PTPRT: variants seen among roughly 807,000 people sequenced by gnomAD.
PTPRT encodes the protein protein tyrosine phosphatase receptor type T, also known as receptor-type tyrosine-protein phosphatase T.
PTPRT carries 56 observed loss-of-function variants against 176.8 expected under a neutral mutation model. The observed-to-expected ratio is 0.32, with a 90% CI of 0.26 to 0.40. The LOEUF (loss-of-function observed/expected upper bound fraction) is 0.40. Among genes scored for constraint, PTPRT ranks in the 10% least tolerant of loss-of-function variants. The pLI, the probability that PTPRT is intolerant of heterozygous loss-of-function variation, is 1.00. For missense variants in PTPRT, 1,540 were observed against 1,908.2 expected, an observed-to-expected ratio of 0.81 and a Z score of 3.60; for synonymous variants, 783 against 739.0, an observed-to-expected ratio of 1.06 and a Z score of -0.96.
chr20:42,458,546 T>C (rs1335285143), intron 8 of PTPRT, among the ~76,000 whole-genome samples: 1 of 152,194 alleles, frequency 6.6e-6, no homozygotes, highest in Non-Finnish European at 1.5e-5. Flanking sequence ...ACTATGTTTG[T>C]CTGATCCTCC....
At chr20:42,327,119 G>C (rs577085661) in intron 11 of PTPRT, among the ~76,000 whole-genome samples, 6 of 150,692 alleles carry the variant, frequency 4.0e-5, no homozygotes, top group Non-Finnish European at 5.9e-5. Context: ...GTGTATGACA[G>C]AGAGAGAGAA....
At chr20:43,159,530 T>C (rs1276358860) in intron 1 of PTPRT, among the ~76,000 whole-genome samples, 2 of 152,226 alleles carry the variant, frequency 1.3e-5, no homozygotes, top group African/African-American at 4.8e-5. Context: ...CCTGGCGTGA[T>C]GCCTGCCACA....
At chr20:42,549,776 C>T (rs1285790480) in intron 7 of PTPRT, among the ~76,000 whole-genome samples, 1 of 152,096 alleles carries the variant, frequency 6.6e-6, no homozygotes, top group Non-Finnish European at 1.5e-5. Flanking sequence ...TAGCCAGCTG[C>T]GACAACACTG....
In PTPRT at chr20:43,071,510, C is replaced by G. The variant is rs538512330; in HGVS notation, c.88+118136G>C. ...TCAAGACAGGAAAGTTCAGGCCAGG[C>G]GCGGTGGCTCATGCCTGTAATCCCA... is the stretch of plus-strand genomic sequence containing the variant. On this transcript the variant is annotated intron_variant, in intron 1 of 30. Coordinates refer to ENST00000373187, the MANE Select transcript of PTPRT (RefSeq NM_007050.6). Among the ~76,000 whole-genome samples, 296 of 152,216 alleles carry G rather than the reference C, an allele frequency of 1.9e-3. 1 individual carries two copies. Among genetic ancestry groups the G allele is most frequent in the African/African-American group, 7.0e-3 (289 of 41,534 alleles).
chr20:42,423,151 C>T (rs564326656), intron 9 of PTPRT, among the ~76,000 whole-genome samples: 47 of 135,956 alleles, frequency 3.5e-4, no homozygotes, highest in African/African-American at 1.3e-3. Flanking sequence ...CCATGAAAAC[C>T]TTCACTTGTA....
chr20:42,236,083 T>C, intron 15 of PTPRT, 146 bp downstream of exon 15: 2 of 618,210 alleles, frequency 3.2e-6, no homozygotes, highest in Non-Finnish European at 5.5e-6. Context: ...GTAACACATT[T>C]ATGCAAAATA....
At chr20:42,387,643 T>A (rs756662888) in intron 9 of PTPRT, among the ~76,000 whole-genome samples, 10 of 152,178 alleles carry the variant, frequency 6.6e-5, no homozygotes, top group Non-Finnish European at 1.5e-4. Context: ...AAACTTCCTA[T>A]AGGGCAAATT....
chr20:42,631,059 G>A (rs755549523), intron 7 of PTPRT, among the ~76,000 whole-genome samples: 1 of 152,078 alleles, frequency 6.6e-6, no homozygotes, highest in African/African-American at 2.4e-5. Flanking sequence ...TTGTGCCAGT[G>A]AACAAACTCT....
At chr20:43,156,810 G>C (rs2014535250) in intron 1 of PTPRT, among the ~76,000 whole-genome samples, 1 of 152,202 alleles carries the variant, frequency 6.6e-6, no homozygotes, top group Non-Finnish European at 1.5e-5. Context: ...AGATCATTGA[G>C]AGACACCAGC....
intron 15 of PTPRT, among the ~76,000 whole-genome samples, chr20:42,220,196 A>G (rs2055854900): frequency 2.0e-5 from 3 of 152,218 alleles, no homozygotes; most frequent in Admixed American, 2.0e-4. Flanking sequence ...CATGGGACCT[A>G]CATGACAAAA....
At chr20:42,399,705 T>A (rs1012989284) in intron 9 of PTPRT, among the ~76,000 whole-genome samples, 1 of 152,160 alleles carries the variant, frequency 6.6e-6, no homozygotes, top group Non-Finnish European at 1.5e-5. Flanking sequence ...AGAGGCTCCT[T>A]TTTTCCTAGC....
chr20:42,254,095 C>T (rs901045281), intron 13 of PTPRT, among the ~76,000 whole-genome samples: 4 of 152,154 alleles, frequency 2.6e-5, no homozygotes, highest in African/African-American at 9.7e-5. Flanking sequence ...TTTTCTCTCT[C>T]TGCTGCCTCC....
chr20:42,484,351 T>A (rs1208496557), intron 7 of PTPRT, among the ~76,000 whole-genome samples: 1 of 152,174 alleles, frequency 6.6e-6, no homozygotes, highest in Non-Finnish European at 1.5e-5. Context: ...AATAAAGCTA[T>A]TTTTTTCTTT....
At chr20:42,942,160 C>T (rs559048333) in intron 1 of PTPRT, among the ~76,000 whole-genome samples, 5 of 152,194 alleles carry the variant, frequency 3.3e-5, no homozygotes, top group African/African-American at 9.6e-5. Flanking sequence ...GATAGAAACC[C>T]GATTCCCAAA....
rs1345339220 is a variant in PTPRT at position 42,703,903 on chromosome 20, T to C, written c.860-25744A>G. 2.6e-5 allele frequency among the ~76,000 whole-genome samples: 4 copies of C among 152,188 alleles called. No homozygotes were observed. In the East Asian group the frequency reaches 5.8e-4, roughly 22 times the overall value. The stretch of plus-strand genomic sequence containing the variant: ...TCCTATCAGCTAAAACTTGATGTTG[T>C]TGGAAGCTGGCCCAACTTTCTCACC... On this transcript the variant is annotated intron_variant, in intron 6 of 30. Coordinates refer to ENST00000373187, the MANE Select transcript of PTPRT (RefSeq NM_007050.6).
intron 1 of PTPRT, among the ~76,000 whole-genome samples, chr20:43,133,474 G>T (rs941349316): frequency 1.3e-5 from 2 of 152,182 alleles, no homozygotes; most frequent in Non-Finnish European, 2.9e-5. Context: ...GGCCGGGCAC[G>T]GTGGCTCACG....
chr20:42,184,025 C>A (rs570185370), intron 16 of PTPRT, among the ~76,000 whole-genome samples: 12 of 152,224 alleles, frequency 7.9e-5, no homozygotes, highest in African/African-American at 2.9e-4. Flanking sequence ...GTTGAATATG[C>A]AAATGAGGGA....
At chr20:42,295,257 A>C (rs961434332) in intron 12 of PTPRT, among the ~76,000 whole-genome samples, 1 of 152,222 alleles carries the variant, frequency 6.6e-6, no homozygotes, top group Non-Finnish European at 1.5e-5. Context: ...GAATTAGACT[A>C]TCATGATACT....
chr20:42,605,830 A>C (rs983466501), intron 7 of PTPRT, among the ~76,000 whole-genome samples: 2 of 152,172 alleles, frequency 1.3e-5, no homozygotes, highest in Non-Finnish European at 2.9e-5. Context: ...GATGCATCAG[A>C]ATTACCTGGA....
Sources: gnomAD v4.1 joint callset for allele counts (sites outside exome capture counted in the v4.1 genomes callset) on GRCh38, gnomAD v4.1.1 for gene constraint, MANE v1.5 for transcripts, NCBI Gene and HGNC (gene_info 2026-07-23, HGNC 2026-07-21) for gene names.